TLE3: variants seen among roughly 807,000 people sequenced by gnomAD.
TLE3 encodes transducin-like enhancer protein 3.
In TLE3, 14 loss-of-function variants were observed where a neutral mutation model predicts 93.0. The ratio of observed to expected loss-of-function variants is 0.15; its 90% CI spans 0.10 to 0.24. The LOEUF (loss-of-function observed/expected upper bound fraction) is 0.24. TLE3 is among the 10% of genes least tolerant of loss of function. The pLI is 1.00. For synonymous variants in TLE3, 451 were observed against 425.0 expected (o/e 1.06, Z -0.75); for missense variants, 693 against 1,046.6 (o/e 0.66, Z 4.66).
In TLE3 at chr15:70,096,867, G is replaced by A. The variant is rs747731154; in HGVS notation, c.-69C>T. ...GCCCGGGCCGGGGAGGTGCGGGGGA[G>A]GGGGGAGCCGAGCCCGAGCGGGGGG... is the stretch of plus-strand genomic sequence containing the variant. On this transcript the variant is annotated 5_prime_UTR_variant, in exon 1 of 20. Coordinates refer to ENST00000451782, the MANE Select transcript of TLE3 (RefSeq NM_001105192.3). The A allele has an allele frequency of 8.3e-6, 13 of 1,567,788 alleles. No homozygotes were observed. The highest frequency in any genetic ancestry group is 9.5e-6 in the Non-Finnish European group (11 of 1,154,542).
At chr15:70,096,506 C>G in intron 1 of TLE3, 1 of 1,226,820 alleles carries the variant, frequency 8.2e-7, no homozygotes, top group South Asian at 1.4e-5. Context: ...GGGCGGGAGA[C>G]AAGCCGGGTG....
intron 6 of TLE3, among the ~76,000 whole-genome samples, chr15:70,067,908 T>C (rs2056912382): frequency 6.6e-6 from 1 of 152,204 alleles, no homozygotes; most frequent in Non-Finnish European, 1.5e-5. Context: ...AGGCAGTTCA[T>C]GGGCACTGTC....
intron 4 of TLE3, among the ~76,000 whole-genome samples, chr15:70,093,340 C>T (rs989835454): frequency 2.0e-5 from 3 of 152,214 alleles, no homozygotes; most frequent in African/African-American, 7.2e-5. Flanking sequence ...CCCAAAGGCT[C>T]TATAGGAAGC....
At chr15:70,080,175 C>A (rs560871931) in intron 4 of TLE3, among the ~76,000 whole-genome samples, 3 of 152,270 alleles carry the variant, frequency 2.0e-5, no homozygotes, top group Admixed American at 6.5e-5. Context: ...TGGCGCAATC[C>A]GTTATCGATA....
rs140730940 is a variant in TLE3 at position 70,059,233 on chromosome 15, T to C, written c.765+177A>G. The stretch of plus-strand genomic sequence containing the variant: ...CAGGCCCATAAATGCCCAGACACCA[T>C]GCAGCAAAGCCCTGCCCTGCTCCTC... On this transcript the variant is annotated intron_variant, in intron 10 of 19. Transcript: ENST00000451782. 2.1e-3 allele frequency among the ~76,000 whole-genome samples: 318 copies of C among 152,172 alleles called. 1 individual carries two copies. The highest frequency in any genetic ancestry group is 7.2e-3 in the African/African-American group (300 of 41,504).
In TLE3 at chr15:70,056,352, G is replaced by T. The variant is rs1304168924; in HGVS notation, c.1274C>A (p.Pro425Gln). The T allele has an allele frequency of 3.7e-6, 6 of 1,613,164 alleles. No individual in the cohort carries two copies. The East Asian group carries it at 6.7e-5, about 18-fold the overall frequency. ...FGAVGFDPHP[P>Q]MRATGLPSSL... ...TGAGGGGAGGCCTGTGGCCCGCATC[G>T]GGGGGTGAGGGTCAAAACCAACCTG... The change falls in exon 14 of 20, where the codon CCG becomes CAG. Residue 425 changes from proline (P) to glutamine (Q), a missense_variant. Transcript: ENST00000451782.
chr15:70,057,720 C>A, intron 12 of TLE3, 62 bp from the exon 13 acceptor site: 1 of 1,525,190 alleles, frequency 6.6e-7, no homozygotes, highest in South Asian at 1.2e-5. Flanking sequence ...CCATGGCCGC[C>A]TCACCCAGCA....
intron 1 of TLE3, chr15:70,096,554 A>T: frequency 7.0e-7 from 1 of 1,437,346 alleles, no homozygotes; most frequent in Non-Finnish European, 9.4e-7. Flanking sequence ...GGACCGCGTG[A>T]ACAGCTCCCC....
In TLE3 at chr15:70,093,468, G is replaced by A. The variant is rs746504334; in HGVS notation, c.234+1064C>T. Among the ~76,000 whole-genome samples, 2 of 152,190 alleles carry A rather than the reference G, an allele frequency of 1.3e-5. 1 individual carries two copies. Among genetic ancestry groups the A allele is most frequent in the South Asian group, 4.1e-4 (2 of 4,826 alleles). ...CCTTGTAAACGACTGTTAATTTAGA[G>A]CAGAAAATCCATTCAAGTCACGGTC... On this transcript the variant is annotated intron_variant, in intron 4 of 19. Transcript: ENST00000451782.
At position 70,058,662 on chromosome 15, in the gene TLE3, C is replaced by G; in HGVS notation, c.918+1G>C. The G allele has an allele frequency of 6.3e-7, 1 of 1,592,584 alleles. No homozygotes were observed. ...CTCCCTTCCACCCAGACCCCACATA[C>G]ATGACCAAGGTCTTTGGTCTTGGAG... On this transcript the variant is annotated splice_donor_variant, in intron 11 of 19. Transcript: ENST00000451782. LOFTEE classifies it high-confidence loss of function. The surrounding 1 kb of genome is among the most constrained non-coding windows in gnomAD (Gnocchi z 4.1).
At position 70,097,552 on chromosome 15, in the gene TLE3, C is replaced by T. The variant is rs1480262232; in HGVS notation, c.-754G>A. The T allele has an allele frequency of 1.3e-5, 5 of 399,796 alleles. No homozygotes were observed. Among genetic ancestry groups the T allele is most frequent in the Non-Finnish European group, 2.2e-5 (5 of 226,478 alleles). The allele number at this position is 399,796 out of a possible 1,614,324, so 24.8% of individuals were successfully genotyped here. ...AAACGCCCTGGCATCCTAAGTCCAG[C>T]GGGCACGGGAAGCCTCCGCAAAGGG... is the stretch of plus-strand genomic sequence containing the variant. On this transcript the variant is annotated 5_prime_UTR_variant, in exon 1 of 20. Coordinates refer to ENST00000451782, the MANE Select transcript of TLE3 (RefSeq NM_001105192.3).
intron 4 of TLE3, among the ~76,000 whole-genome samples, chr15:70,089,204 C>A (rs2058185721): frequency 6.6e-6 from 1 of 152,234 alleles, no homozygotes; most frequent in South Asian, 2.1e-4. Flanking sequence ...GCAAAGCCCT[C>A]AGTGAAGTCT....
intron 6 of TLE3, among the ~76,000 whole-genome samples, chr15:70,072,868 AG>A (rs2057255131): frequency 2.0e-5 from 3 of 152,246 alleles, no homozygotes; most frequent in Non-Finnish European, 4.4e-5. Context: ...TCCCCGGGCT[AG>A]ATGATCTCTG....
rs376859612 is a variant in TLE3 at position 70,069,536 on chromosome 15, T to G, written c.373-3318A>C. On this transcript the variant is annotated intron_variant, in intron 6 of 19. Transcript: ENST00000451782. Reference sequence around the variant, plus strand: ...AGAAAAGGAATCTCCCATGCAAAACTGAAGCGTTCCTCATCTCTGAGTGCA... The same window carrying G: ...AGAAAAGGAATCTCCCATGCAAAACGGAAGCGTTCCTCATCTCTGAGTGCA... Among the ~76,000 whole-genome samples, 22 of 152,330 alleles carry G rather than the reference T, an allele frequency of 1.4e-4. No homozygotes were observed. The South Asian group carries it at 2.7e-3, about 19-fold the overall frequency.
chr15:70,072,142 C>T (rs866449531), intron 6 of TLE3, among the ~76,000 whole-genome samples: 1 of 152,212 alleles, frequency 6.6e-6, no homozygotes, highest in Non-Finnish European at 1.5e-5. Flanking sequence ...ATGGGGGTCA[C>T]AGGCCCCACT....
At chr15:70,064,415 C>T (rs775627188) in intron 8 of TLE3, 39 bp downstream of exon 8, 3 of 1,612,772 alleles carry the variant, frequency 1.9e-6, no homozygotes, top group East Asian at 2.2e-5. Flanking sequence ...CCTCCCAGCA[C>T]CCAAACACCC....
intron 9 of TLE3, among the ~76,000 whole-genome samples, chr15:70,060,167 G>A (rs2056371828): frequency 6.6e-6 from 1 of 152,224 alleles, no homozygotes; most frequent in African/African-American, 2.4e-5. Context: ...CAACTGAGAG[G>A]ACTATAGGGT....
chr15:70,058,193 C>G lies in TLE3; in HGVS notation c.1017G>C (p.Ser339=). The G allele has an allele frequency of 6.2e-7, 1 of 1,613,974 alleles. No individual in the cohort carries two copies. Among genetic ancestry groups the G allele is most frequent in the South Asian group, 1.1e-5 (1 of 91,078 alleles). The change falls in exon 12 of 20, where the codon TCG becomes TCC. Residue 339 remains serine (S), a synonymous_variant. Coordinates refer to ENST00000451782, the MANE Select transcript of TLE3 (RefSeq NM_001105192.3). This position sits in a 1 kb window ranked among gnomAD's most constrained non-coding sequence, Gnocchi z 4.1. ...CCATGCCCGGAGGTTTACCCGGCAT[C>G]GACCTGAGCCCTGGGGTCGTGCTGG... is the stretch of plus-strand genomic sequence containing the variant. ...PGTSTTPGLR[S]MPGKPPGMDP...
At chr15:70,054,993 G>A (rs1368707127) in intron 15 of TLE3, 56 bp downstream of exon 15, 21 of 1,533,690 alleles carry the variant, frequency 1.4e-5, no homozygotes, top group South Asian at 1.2e-5. Flanking sequence ...TGTGGCCCAG[G>A]CTGCCCCATC....
Sources: gnomAD v4.1 joint callset for allele counts (sites outside exome capture counted in the v4.1 genomes callset) on GRCh38, gnomAD v4.1.1 for gene constraint, Gnocchi (gnomAD v3.1) non-coding constraint, MANE v1.5 for transcripts, NCBI Gene and HGNC (gene_info 2026-07-23, HGNC 2026-07-21) for gene names.